The following SNAP25 variants were observed in gnomAD, a reference collection of about 807,000 sequenced individuals.
SNAP25 encodes synaptosome associated protein 25, also known as synaptosomal-associated protein 25.
SNAP25 carries 3 observed loss-of-function variants against 28.7 expected under a neutral mutation model. The observed-to-expected ratio is 0.10, with a 90% CI of 0.05 to 0.27. The LOEUF (loss-of-function observed/expected upper bound fraction) is 0.27, where lower values mean the gene tolerates loss of function less well. Among genes scored for constraint, SNAP25 ranks in the 10% least tolerant of loss-of-function variants. The pLI, the probability that SNAP25 is intolerant of heterozygous loss-of-function variation, is 1.00. For missense variants in SNAP25, 117 were observed against 278.7 expected, an observed-to-expected ratio of 0.42 and a Z score of 4.13; for synonymous variants, 61 against 88.1, an observed-to-expected ratio of 0.69 and a Z score of 1.72.
intron 2 of SNAP25, 43 bp downstream of exon 2, chr20:10,275,606 C>G: frequency 6.6e-7 from 1 of 1,526,442 alleles, no homozygotes; most frequent in Non-Finnish European, 8.9e-7. Context: ...AGATGAAGGC[C>G]TGAGTGGTTT....
intron 1 of SNAP25, among the ~76,000 whole-genome samples, chr20:10,221,102 CAGGAA>C (rs2062624921): frequency 6.6e-6 from 1 of 152,160 alleles, no homozygotes; most frequent in Non-Finnish European, 1.5e-5. Context: ...AAAATATGGG[CAGGAA>C]TCTTTAAAAA....
rs142549482 is a variant in SNAP25, at chr20:10,224,034, A to G, written c.-64+5057A>G. Among the ~76,000 whole-genome samples the G allele has an allele frequency of 2.0e-5, 3 of 152,296 alleles. No homozygotes were observed. The East Asian group carries it at 5.8e-4, about 29-fold the overall frequency. ...GTGTTTACCTATACTGGCTCACTGT[A>G]TCCTCCTAACAACCTTGTGGTCAGA... On this transcript the variant is annotated intron_variant, in intron 1 of 7. Coordinates refer to ENST00000254976, the MANE Select transcript of SNAP25 (RefSeq NM_130811.4).
At chr20:10,257,891 A>T (rs983980243) in intron 1 of SNAP25, among the ~76,000 whole-genome samples, 4 of 151,898 alleles carry the variant, frequency 2.6e-5, no homozygotes, top group Non-Finnish European at 4.4e-5. Flanking sequence ...TCAAAAAAAA[A>T]AAAAAAAAAA....
At chr20:10,230,752 T>G (rs897894528) in intron 1 of SNAP25, among the ~76,000 whole-genome samples, 13 of 152,148 alleles carry the variant, frequency 8.5e-5, no homozygotes, top group Admixed American at 7.9e-4. Flanking sequence ...TCAAAAGTTG[T>G]GACTGGGTAC....
At chr20:10,239,831 AGAG>A (rs1568580043) in intron 1 of SNAP25, among the ~76,000 whole-genome samples, 1 of 152,154 alleles carries the variant, frequency 6.6e-6, no homozygotes, top group African/African-American at 2.4e-5. Context: ...GTAGAGGAGC[AGAG>A]GAGGACAAGA....
chr20:10,232,188 A>G (rs1326131776), intron 1 of SNAP25, among the ~76,000 whole-genome samples: 1 of 152,206 alleles, frequency 6.6e-6, no homozygotes, highest in Non-Finnish European at 1.5e-5. Context: ...CATACCAGAA[A>G]CATACACATG....
intron 1 of SNAP25, among the ~76,000 whole-genome samples, chr20:10,224,257 C>CTTTTTTTTTTTTGTTTTTT (rs2062690706): frequency 5.7e-5 from 1 of 17,420 alleles, no homozygotes; most frequent in East Asian, 2.2e-3. Context: ...ATGTACATGT[C>CTTTTTTTTTTTTGTTTTTT]TTTTTTTTTT....
At chr20:10,257,481 G>A (rs944604589) in intron 1 of SNAP25, among the ~76,000 whole-genome samples, 7 of 152,152 alleles carry the variant, frequency 4.6e-5, no homozygotes, top group African/African-American at 1.7e-4. Context: ...GGGAGGCCGA[G>A]GCGGGCGGAT....
At chr20:10,277,808 T>C in intron 3 of SNAP25, 82 bp downstream of exon 3, 1 of 1,272,972 alleles carries the variant, frequency 7.9e-7, no homozygotes, top group South Asian at 1.2e-5. Context: ...GATGTTTCCT[T>C]GGGCCATGAT....
Position 10,294,238 on chromosome 20 carries a change from T to C in SNAP25, c.281+960T>C, listed in dbSNP as rs185180707. Among the ~76,000 whole-genome samples the C allele has an allele frequency of 4.1e-4, 63 of 152,322 alleles. 1 individual carries two copies. Among genetic ancestry groups the C allele is most frequent in the Admixed American group, 3.5e-3 (54 of 15,302 alleles). On this transcript the variant is annotated intron_variant, in intron 5 of 7. Transcript: ENST00000254976. ...GCTCTCCTGATCCTAGCTTTTAGAATAGAAATTGACGTCATTTTTAGCAGA... is the reference window on the plus strand; with the variant it reads ...GCTCTCCTGATCCTAGCTTTTAGAACAGAAATTGACGTCATTTTTAGCAGA...
intron 1 of SNAP25, among the ~76,000 whole-genome samples, chr20:10,245,873 C>T (rs1006449651): frequency 2.0e-5 from 3 of 152,196 alleles, no homozygotes; most frequent in Non-Finnish European, 4.4e-5. Flanking sequence ...TTTGTCCCAT[C>T]TTGTCACCAT....
intron 1 of SNAP25, among the ~76,000 whole-genome samples, chr20:10,223,750 T>C (rs2062678421): frequency 6.6e-6 from 1 of 152,192 alleles, no homozygotes; most frequent in Admixed American, 6.5e-5. Context: ...CTCCTCAGAA[T>C]TGCTATTATT....
chr20:10,241,101 G>A (rs1490447341), intron 1 of SNAP25, among the ~76,000 whole-genome samples: 2 of 152,150 alleles, frequency 1.3e-5, no homozygotes, highest in Non-Finnish European at 1.5e-5. Context: ...TGAACTGCAG[G>A]GCCGACATGG....
chr20:10,221,873 A>G (rs908032557), intron 1 of SNAP25, among the ~76,000 whole-genome samples: 1 of 152,266 alleles, frequency 6.6e-6, no homozygotes, highest in African/African-American at 2.4e-5. Context: ...ATTAGTAGAA[A>G]CGAGAAAAAT....
intron 1 of SNAP25, among the ~76,000 whole-genome samples, chr20:10,255,898 C>A (rs995296939): frequency 2.0e-5 from 3 of 151,500 alleles, no homozygotes; most frequent in Non-Finnish European, 2.9e-5. Context: ...TTACAAAAAT[C>A]GATTCCATTA....
chr20:10,302,895 G>A (rs6032843), intron 7 of SNAP25, among the ~76,000 whole-genome samples: 3,936 of 151,898 alleles, frequency 0.026, 170 homozygotes, highest in African/African-American at 0.09. Flanking sequence ...TAAGTTAGGT[G>A]GAAATCACAG....
At chr20:10,231,606 T>A (rs991641055) in intron 1 of SNAP25, 2 of 152,198 alleles carry the variant, frequency 1.3e-5, no homozygotes, top group Admixed American at 6.5e-5. Context: ...TGGCCTCAAG[T>A]GGTGTCCCAA....
intron 1 of SNAP25, among the ~76,000 whole-genome samples, chr20:10,259,729 G>T (rs1017694461): frequency 2.0e-4 from 30 of 152,216 alleles, no homozygotes; most frequent in African/African-American, 7.0e-4. Context: ...GTAGAGATGG[G>T]TCTGGCCATG....
chr20:10,277,557 T>G, intron 2 of SNAP25, 128 bp from the exon 3 acceptor site: 1 of 747,528 alleles, frequency 1.3e-6, no homozygotes, highest in East Asian at 2.8e-5. Flanking sequence ...TTGTTTCACT[T>G]GCCAACTGAA....
Sources: gnomAD v4.1 joint callset for allele counts (sites outside exome capture counted in the v4.1 genomes callset) on GRCh38, gnomAD v4.1.1 for gene constraint, MANE v1.5 for transcripts, NCBI Gene and HGNC (gene_info 2026-07-23, HGNC 2026-07-21) for gene names.